Variants in COL21A1 observed in about 807,000 individuals in gnomAD.
The protein encoded by COL21A1 is collagen type XXI alpha 1 chain, also known as collagen alpha-1(XXI) chain.
In COL21A1, 149 loss-of-function variants were observed where a neutral mutation model predicts 137.9. The observed-to-expected ratio is 1.08, with a 90% CI of 0.95 to 1.24. The LOEUF is 1.24. Among genes scored for constraint, COL21A1 ranks in the 50% most tolerant of loss-of-function variants. The probability of loss-of-function intolerance (pLI) is 0.00; values close to 1 mark genes in which losing one functional copy is unlikely to be tolerated. For synonymous variants in COL21A1, 456 were observed against 391.5 expected, an observed-to-expected ratio of 1.16 and a Z score of -1.95; for missense variants, 1,167 against 1,158.4, an observed-to-expected ratio of 1.01 and a Z score of -0.11.
chr6:56,152,242 C>G (rs1005164447), intron 10 of COL21A1, among the ~76,000 whole-genome samples: 1 of 152,162 alleles, frequency 6.6e-6, no homozygotes, highest in Admixed American at 6.5e-5. Flanking sequence ...CTCTCTGCTT[C>G]CATCACAGAC....
intron 22 of COL21A1, among the ~76,000 whole-genome samples, chr6:56,068,451 ACAAGT>A (rs554902513): frequency 1.7e-3 from 265 of 151,750 alleles, no homozygotes; most frequent in African/African-American, 5.7e-3. Flanking sequence ...TTATATACAT[ACAAGT>A]CAAGTTTCCC....
chr6:56,141,913 A>G lies in COL21A1; in HGVS notation c.1488+17T>C, dbSNP rs1925176. On this transcript the variant is annotated intron_variant, in intron 11 of 29. Transcript: ENST00000244728. ...TAAAAATAAAATTTATAAAATGTAT[A>G]TAAGTGGATCACATACTTGTATTCC... is the stretch of plus-strand genomic sequence containing the variant. The G allele has an allele frequency of 1.4e-3, 2,154 of 1,565,854 alleles. 28 individuals are homozygous for G. The African/African-American group carries it at 0.026, about 19-fold the overall frequency.
At chr6:56,215,983 G>A (rs1780457381) in intron 1 of COL21A1, among the ~76,000 whole-genome samples, 1 of 152,062 alleles carries the variant, frequency 6.6e-6, no homozygotes, top group South Asian at 2.1e-4. Context: ...AGAGTTTAAA[G>A]CCAATAATTC....
At chr6:56,070,190 A>G (rs1336234066) in intron 21 of COL21A1, among the ~76,000 whole-genome samples, 2 of 151,598 alleles carry the variant, frequency 1.3e-5, no homozygotes, top group African/African-American at 2.4e-5. Flanking sequence ...TGTAACATCA[A>G]CTAAAGATCA....
In COL21A1 at chr6:56,097,504, G is replaced by A. The variant is rs561318940; in HGVS notation, c.1812+3968C>T. ...TCACCACTGAAGCTAAACATTACAG[G>A]GGTGGAAGGAATATTGGGAGGAAAG... is the stretch of plus-strand genomic sequence containing the variant. On this transcript the variant is annotated intron_variant, in intron 17 of 29. Transcript: ENST00000244728. Among the ~76,000 whole-genome samples, 3 of 151,800 alleles carry A rather than the reference G, an allele frequency of 2.0e-5. No individual in the cohort carries two copies. In the Admixed American group the frequency reaches 2.0e-4, roughly 10 times the overall value.
intron 1 of COL21A1, among the ~76,000 whole-genome samples, chr6:56,376,370 C>T (rs923827727): frequency 1.3e-5 from 2 of 151,788 alleles, no homozygotes; most frequent in Non-Finnish European, 2.9e-5. Flanking sequence ...AGAAGACATG[C>T]TTTTGGAAAG....
chr6:56,101,442 C>G (rs1190324223), intron 17 of COL21A1, 30 bp downstream of exon 17: 10 of 1,540,832 alleles, frequency 6.5e-6, no homozygotes, highest in Non-Finnish European at 8.9e-6. Context: ...AGAACTTCAT[C>G]TTTTAGAACT....
intron 1 of COL21A1, among the ~76,000 whole-genome samples, chr6:56,242,614 T>C (rs1782400223): frequency 6.6e-6 from 1 of 152,110 alleles, no homozygotes; most frequent in Non-Finnish European, 1.5e-5. Context: ...CTTCAGAAAA[T>C]TGTCAATGTT....
intron 1 of COL21A1, among the ~76,000 whole-genome samples, chr6:56,196,556 T>C (rs970580675): frequency 6.6e-6 from 1 of 152,104 alleles, no homozygotes; most frequent in East Asian, 1.9e-4. Flanking sequence ...AGTTGCCATT[T>C]CTATGTATTA....
chr6:56,280,688 A>G (rs959508866), intron 1 of COL21A1, among the ~76,000 whole-genome samples: 2 of 152,212 alleles, frequency 1.3e-5, no homozygotes, highest in Non-Finnish European at 2.9e-5. Context: ...ATCACTTTAC[A>G]GATCAGGAAA....
chr6:56,132,931 C>T (rs1773679063), intron 12 of COL21A1, among the ~76,000 whole-genome samples: 1 of 152,198 alleles, frequency 6.6e-6, no homozygotes, highest in Non-Finnish European at 1.5e-5. Flanking sequence ...GAGGCCTCCC[C>T]AGCCACATGA....
chr6:56,313,218 C>A (rs12660477), intron 1 of COL21A1, among the ~76,000 whole-genome samples: 12,218 of 151,904 alleles, frequency 0.08, 555 homozygotes, highest in Middle Eastern at 0.14. Flanking sequence ...ATACACTGCA[C>A]AAAACAGTCC....
chr6:56,347,517 T>TTAAA (rs1554184704), intron 1 of COL21A1, among the ~76,000 whole-genome samples: 1 of 127,180 alleles, frequency 7.9e-6, no homozygotes, highest in Non-Finnish European at 1.6e-5. Context: ...AGGAAGCATT[T>TTAAA]AAAAAAAAAA....
At chr6:56,390,808 C>T (rs1581804404) in intron 1 of COL21A1, among the ~76,000 whole-genome samples, 1 of 152,152 alleles carries the variant, frequency 6.6e-6, no homozygotes, top group South Asian at 2.1e-4. Context: ...AATACTGAAG[C>T]ATACAGATAT....
intron 14 of COL21A1, among the ~76,000 whole-genome samples, chr6:56,125,011 CTTTTTTTTTTTTT>C (rs70986773): frequency 3.6e-5 from 2 of 54,842 alleles, no homozygotes; most frequent in Non-Finnish European, 6.2e-5. Flanking sequence ...ATCTGTAAAT[CTTTTTTTTTTTTT>C]TTTTTTTTTT....
At chr6:56,212,734 T>A (rs1561990244) in intron 1 of COL21A1, among the ~76,000 whole-genome samples, 1 of 152,014 alleles carries the variant, frequency 6.6e-6, no homozygotes, top group African/African-American at 2.4e-5. Flanking sequence ...CCTCACTTAA[T>A]AGAGCACTTA....
chr6:56,330,454 T>A (rs1445755121), intron 1 of COL21A1, among the ~76,000 whole-genome samples: 3 of 152,092 alleles, frequency 2.0e-5, no homozygotes, highest in Non-Finnish European at 1.5e-5. Flanking sequence ...AAAACTGGAC[T>A]ACCAGGTAGA....
chr6:56,378,051 C>T (rs1256120644), intron 1 of COL21A1, among the ~76,000 whole-genome samples: 1 of 152,088 alleles, frequency 6.6e-6, no homozygotes, highest in Non-Finnish European at 1.5e-5. Flanking sequence ...CCCTTGGGCC[C>T]CAAATAACCA....
intron 10 of COL21A1, among the ~76,000 whole-genome samples, chr6:56,156,253 G>A (rs918439338): frequency 2.6e-5 from 4 of 152,150 alleles, no homozygotes; most frequent in African/African-American, 9.7e-5. Flanking sequence ...ATAACTAAAA[G>A]CTGACTAGAA....
Sources: gnomAD v4.1 joint callset for allele counts (sites outside exome capture counted in the v4.1 genomes callset) on GRCh38, gnomAD v4.1.1 for gene constraint, MANE v1.5 for transcripts, NCBI Gene and HGNC (gene_info 2026-07-23, HGNC 2026-07-21) for gene names.